KAT6B: variants seen among roughly 807,000 people sequenced by gnomAD.
KAT6B encodes the protein histone acetyltransferase KAT6B.
A neutral mutation model predicts 187.5 loss-of-function variants in KAT6B; 10 were observed. That is an observed-to-expected ratio of 0.05 (90% CI 0.03 to 0.09). The LOEUF (loss-of-function observed/expected upper bound fraction) is 0.09, where lower values mean the gene tolerates loss of function less well. Among genes scored for constraint, KAT6B ranks in the 10% least tolerant of loss-of-function variants. The pLI, the probability that KAT6B is intolerant of heterozygous loss-of-function variation, is 1.00. For missense variants in KAT6B, 1,952 were observed against 2,558.9 expected, an observed-to-expected ratio of 0.76 and a Z score of 5.12; for synonymous variants, 861 against 926.8, an observed-to-expected ratio of 0.93 and a Z score of 1.29.
At chr10:74,964,409 C>A (rs1841315809) in intron 4 of KAT6B, among the ~76,000 whole-genome samples, 1 of 152,122 alleles carries the variant, frequency 6.6e-6, no homozygotes. Context: ...TTGAAGTGTT[C>A]TTTTCCTTTG....
intron 14 of KAT6B, 151 bp downstream of exon 14, chr10:75,020,964 A>G (rs1192898380): frequency 2.2e-5 from 22 of 983,506 alleles, no homozygotes; most frequent in Non-Finnish European, 3.2e-5. Flanking sequence ...ATGAAATGAC[A>G]CTTTTTTACT....
chr10:75,031,409 G>T lies in KAT6B; in HGVS notation c.*363G>T. On this transcript the variant is annotated 3_prime_UTR_variant, in exon 18 of 18. Transcript: ENST00000287239. Reference sequence around the variant, plus strand: ...TATCTGTTTTAATATTGAACCTAGAGCTTTTTTTTTCCCTTCCCTGTCCAC... The same window carrying T: ...TATCTGTTTTAATATTGAACCTAGATCTTTTTTTTTCCCTTCCCTGTCCAC... The T allele has an allele frequency of 2.7e-6, 1 of 366,618 alleles. No individual in the cohort carries two copies. Among genetic ancestry groups the T allele is most frequent in the South Asian group, 3.6e-5 (1 of 27,932 alleles). 22.7% of individuals were successfully genotyped at this position (366,618 alleles called of 1,614,324 possible).
intron 1 of KAT6B, 33 bp from the exon 2 acceptor site, chr10:74,838,650 T>C (rs1013744440): frequency 1.3e-5 from 2 of 152,244 alleles, no homozygotes; most frequent in Non-Finnish European, 2.9e-5. Flanking sequence ...TGTCCTTATG[T>C]CCAAATGAAC....
chr10:74,970,417 T>G (rs1057394492), intron 6 of KAT6B, among the ~76,000 whole-genome samples: 1 of 152,138 alleles, frequency 6.6e-6, no homozygotes, highest in Non-Finnish European at 1.5e-5. Context: ...GTCAAAAGTT[T>G]AGAACACTTT....
intron 3 of KAT6B, among the ~76,000 whole-genome samples, chr10:74,867,735 T>G (rs1481813523): frequency 6.6e-6 from 1 of 152,206 alleles, no homozygotes; most frequent in Non-Finnish European, 1.5e-5. Context: ...CCTTTTGTCA[T>G]TCATTGAATT....
At chr10:75,024,594 TAG>T (rs1845674441) in intron 16 of KAT6B, among the ~76,000 whole-genome samples, 1 of 152,212 alleles carries the variant, frequency 6.6e-6, no homozygotes, top group African/African-American at 2.4e-5. Context: ...ATAAAGACAT[TAG>T]AGTCTGTGAT....
chr10:74,870,793 C>T (rs1843878468), intron 3 of KAT6B, among the ~76,000 whole-genome samples: 1 of 151,826 alleles, frequency 6.6e-6, no homozygotes, highest in South Asian at 2.1e-4. Flanking sequence ...GTCAGGCTGG[C>T]CTCAAACTCC....
intron 3 of KAT6B, among the ~76,000 whole-genome samples, chr10:74,870,018 G>A (rs1315504961): frequency 6.6e-6 from 1 of 152,136 alleles, no homozygotes; most frequent in African/African-American, 2.4e-5. Flanking sequence ...AGTGGCTCAT[G>A]CCTATAATCA....
At chr10:74,998,382 C>T (rs1160982105) in intron 13 of KAT6B, among the ~76,000 whole-genome samples, 2 of 152,054 alleles carry the variant, frequency 1.3e-5, no homozygotes, top group Non-Finnish European at 2.9e-5. Context: ...GTGGACTTCT[C>T]TTTTTGCCTC....
intron 13 of KAT6B, among the ~76,000 whole-genome samples, chr10:75,006,044 A>C (rs1040727343): frequency 2.0e-5 from 3 of 152,202 alleles, no homozygotes; most frequent in Non-Finnish European, 2.9e-5. Context: ...ATAAATTTGC[A>C]TATGTCCTTT....
At chr10:75,016,000 A>G (rs995257876) in intron 13 of KAT6B, among the ~76,000 whole-genome samples, 3 of 152,186 alleles carry the variant, frequency 2.0e-5, no homozygotes, top group Admixed American at 6.5e-5. Flanking sequence ...TTATTCTACT[A>G]TGGTCCATTT....
At chr10:74,960,702 C>T (rs1217782438) in intron 4 of KAT6B, among the ~76,000 whole-genome samples, 2 of 152,178 alleles carry the variant, frequency 1.3e-5, no homozygotes, top group Non-Finnish European at 2.9e-5. Context: ...TCATTCTGAG[C>T]CCCTGTTTCC....
chr10:74,975,778 A>G lies in KAT6B; in HGVS notation c.1441A>G (p.Thr481Ala). 1 of 1,614,214 alleles carries G rather than the reference A, an allele frequency of 6.2e-7. No individual in the cohort carries two copies. Residue 481 changes from threonine to alanine, a missense_variant, in exon 8 of 18, where the codon ACA becomes GCA. Around this residue, in one of 9 missense-constraint regions of KAT6B, gnomAD observed 417 missense variants for 508.9 expected, o/e 0.82. Transcript: ENST00000287239. ...GTCATGCACTTCTCATGTGTTGGCT[A>G]CAGGTACCACACAAAAGCTAAAACC... ...KQSCTSHVLA[T>A]GTTQKLKPPP... is the part of the protein sequence containing the mutation.
At chr10:74,966,632 T>C (rs1484624192) in intron 4 of KAT6B, among the ~76,000 whole-genome samples, 1 of 152,258 alleles carries the variant, frequency 6.6e-6, no homozygotes, top group Non-Finnish European at 1.5e-5. Context: ...AATGAATATG[T>C]ATTATGGCTC....
chr10:74,876,206 C>T (rs570641314), intron 3 of KAT6B, among the ~76,000 whole-genome samples: 3 of 152,276 alleles, frequency 2.0e-5, no homozygotes, highest in African/African-American at 7.2e-5. Context: ...TCACCCCCTC[C>T]TTCTTCCCCC....
At chr10:74,937,795 A>C (rs1483533440) in intron 3 of KAT6B, among the ~76,000 whole-genome samples, 1 of 152,178 alleles carries the variant, frequency 6.6e-6, no homozygotes, top group East Asian at 1.9e-4. Context: ...TTTTGCTCTT[A>C]AATTATTGCT....
chr10:74,988,056 G>A (rs376886477), intron 12 of KAT6B, among the ~76,000 whole-genome samples: 1 of 152,202 alleles, frequency 6.6e-6, no homozygotes, highest in Non-Finnish European at 1.5e-5. Flanking sequence ...ATTCTGCCCT[G>A]TAGGGTTTTT....
chr10:74,852,753 G>A (rs1244234582), intron 3 of KAT6B, among the ~76,000 whole-genome samples: 1 of 152,166 alleles, frequency 6.6e-6, no homozygotes, highest in Non-Finnish European at 1.5e-5. Flanking sequence ...TCAAATGAAT[G>A]TTAAACATTC....
At chr10:74,966,135 A>G (rs1435187147) in intron 4 of KAT6B, among the ~76,000 whole-genome samples, 2 of 152,128 alleles carry the variant, frequency 1.3e-5, no homozygotes, top group African/African-American at 2.4e-5. Context: ...GGCCACCCAC[A>G]TTCCCCGGCT....
Sources: gnomAD v4.1 joint callset for allele counts (sites outside exome capture counted in the v4.1 genomes callset) on GRCh38, gnomAD v4.1.1 for gene constraint, gnomAD v4.1.1 regional missense constraint, MANE v1.5 for transcripts, NCBI Gene and HGNC (gene_info 2026-07-23, HGNC 2026-07-21) for gene names.